The following LYG2 variants were observed in gnomAD, a reference collection of about 807,000 sequenced individuals.
LYG2 encodes lysozyme g-like protein 2.
LYG2 carries 25 observed loss-of-function variants against 22.4 expected under a neutral mutation model. The ratio of observed to expected loss-of-function variants is 1.12; its 90% confidence interval spans 0.81 to 1.56. The LOEUF (loss-of-function observed/expected upper bound fraction) is 1.56, where lower values mean the gene tolerates loss of function less well. Ranked by LOEUF, LYG2 falls within the 40% of genes most tolerant of loss-of-function variation. LYG2 has a pLI of 0.00. For missense variants in LYG2, 266 were observed against 269.5 expected (o/e 0.99, Z 0.09); for synonymous variants, 88 against 97.0 (o/e 0.91, Z 0.55).
intron 3 of LYG2, among the ~76,000 whole-genome samples, chr2:99,250,956 G>A (rs2094025443): frequency 6.6e-6 from 1 of 152,188 alleles, no homozygotes; most frequent in African/African-American, 2.4e-5. Context: ...ATTCTCTCCA[G>A]GGACAAAATA....
chr2:99,244,229 G>A (rs2094011885), intron 5 of LYG2, 92 bp from the exon 6 acceptor site: 3 of 1,272,914 alleles, frequency 2.4e-6, no homozygotes, highest in South Asian at 1.5e-5. Context: ...TCAAGTCATA[G>A]ATACCGGCCT....
chr2:99,245,261 C>G lies in LYG2; in HGVS notation c.381+1G>C, dbSNP rs199912834. Reference sequence around the variant, plus strand: ...CTGATAGAAAGTTTCTAGCTAAATACCTGCATCAAGCCAAATTTAAGTCCC... The same window carrying G: ...CTGATAGAAAGTTTCTAGCTAAATAGCTGCATCAAGCCAAATTTAAGTCCC... On this transcript the variant is annotated splice_donor_variant, in intron 5 of 6. Transcript: ENST00000333017. LOFTEE classifies it high-confidence loss of function. 6.9e-6 allele frequency: 11 copies of G among 1,596,600 alleles called. No individual in the cohort carries two copies. In the East Asian group the frequency reaches 2.5e-4, roughly 36 times the overall value.
Position 99,242,292 on chromosome 2 carries a change from C to A in LYG2, c.*72G>T, listed in dbSNP as rs764598906. 3 of 752,256 alleles carry A rather than the reference C, an allele frequency of 4.0e-6. No individual in the cohort carries two copies. Among genetic ancestry groups the A allele is most frequent in the Non-Finnish European group, 6.8e-6 (3 of 443,326 alleles). 46.6% of individuals were successfully genotyped at this position (752,256 alleles called of 1,614,324 possible). On this transcript the variant is annotated 3_prime_UTR_variant, in exon 7 of 7. Coordinates refer to ENST00000333017, the MANE Select transcript of LYG2 (RefSeq NM_175735.4). ...ATTTCTTTGCCAGTGTTGTATACAA[C>A]ACATTCACGTAAAACTCTCAAAGGC...
chr2:99,253,626 G>A lies in LYG2; in HGVS notation c.43+592C>T, dbSNP rs140916479. Among the ~76,000 whole-genome samples, 17 of 151,196 alleles carry A rather than the reference G, an allele frequency of 1.1e-4. No homozygotes were observed. In the East Asian group the frequency reaches 1.2e-3, roughly 10 times the overall value. On this transcript the variant is annotated intron_variant, in intron 3 of 6. Transcript: ENST00000333017. ...CAGCCTTCCCCCCAGAAACCCCCTC[G>A]TCTGTCCAGACCACACTGACCCAAA...
chr2:99,259,894 C>A (rs1360312984), upstream of LYG2, among the ~76,000 whole-genome samples: 1 of 152,048 alleles, frequency 6.6e-6, no homozygotes, highest in African/African-American at 2.4e-5. Flanking sequence ...AGAACTGACC[C>A]ATCACCATAA....
upstream of LYG2, among the ~76,000 whole-genome samples, chr2:99,258,757 A>G (rs1409055435): frequency 6.6e-6 from 1 of 152,240 alleles, no homozygotes; most frequent in Non-Finnish European, 1.5e-5. Flanking sequence ...ACCCCAGGAT[A>G]TATCAATGTC....
upstream of LYG2, among the ~76,000 whole-genome samples, chr2:99,258,106 T>C (rs938810498): frequency 2.6e-5 from 4 of 152,174 alleles, no homozygotes; most frequent in Admixed American, 6.5e-5. Flanking sequence ...TCTGTGCTAA[T>C]AGAGACTGGG....
chr2:99,261,098 A>C, the LYG2 span, among the ~76,000 whole-genome samples: 1 of 152,182 alleles, frequency 6.6e-6, no homozygotes, highest in Non-Finnish European at 1.5e-5. Context: ...GGGGTCTGAC[A>C]CGGCAACCTA....
At chr2:99,256,603 A>G (rs747986142), upstream of LYG2, among the ~76,000 whole-genome samples, 14 of 152,224 alleles carry the variant, frequency 9.2e-5, no homozygotes, top group Non-Finnish European at 1.5e-4. Flanking sequence ...TAAGTTAGGT[A>G]AAAGAGAGTA....
chr2:99,256,816 C>T (rs932570991), upstream of LYG2, among the ~76,000 whole-genome samples: 2 of 152,206 alleles, frequency 1.3e-5, no homozygotes, highest in African/African-American at 2.4e-5. Context: ...TTGTTCTGTT[C>T]ACTCAAGCTG....
At chr2:99,258,358 T>C (rs2094040311), upstream of LYG2, among the ~76,000 whole-genome samples, 1 of 152,252 alleles carries the variant, frequency 6.6e-6, no homozygotes, top group South Asian at 2.1e-4. Flanking sequence ...ACTATCATGA[T>C]GGGTTTGCAC....
Position 99,245,394 on chromosome 2 carries a change from C to T in LYG2, c.249G>A (p.Leu83=), listed in dbSNP as rs1451816409. The T allele has an allele frequency of 6.2e-7, 1 of 1,613,070 alleles. No homozygotes were observed. The highest frequency in any genetic ancestry group is 8.5e-7 in the Non-Finnish European group (1 of 1,179,504). ...DLRAIKPYQT[L]IKEVGQRHCV... ...AATGTCTCTGCCCGACTTCTTTGAT[C>T]AGAGTCTGGTAAGGTTTTATGGCCC... Residue 83 remains leucine (L), a synonymous_variant, in exon 5 of 7, where the codon CTG becomes CTA. Transcript: ENST00000333017.
upstream of LYG2, among the ~76,000 whole-genome samples, chr2:99,258,952 T>A (rs896378808): frequency 6.6e-6 from 1 of 152,058 alleles, no homozygotes; most frequent in Non-Finnish European, 1.5e-5. Flanking sequence ...TCATGAAAAA[T>A]TGGTAAACAT....
chr2:99,251,898 C>CACGATCTCGGCTCACTG lies in LYG2; in HGVS notation c.43+2319_43+2320insCAGTGAGCCGAGATCGT, dbSNP rs559117889. Among the ~76,000 whole-genome samples, 106 of 123,360 alleles carry CACGATCTCGGCTCACTG rather than the reference C, an allele frequency of 8.6e-4. 1 individual carries two copies. Among genetic ancestry groups the CACGATCTCGGCTCACTG allele is most frequent in the Middle Eastern group, 0.011 (2 of 184 alleles). The allele number at this position is 123,360 out of a possible 152,430, so 80.9% of individuals were successfully genotyped here. On this transcript the variant is annotated intron_variant, in intron 3 of 6. Transcript: ENST00000333017. The stretch of plus-strand genomic sequence containing the variant: ...TGTCGCCCAGGCTGGAGTGCAGTGG[C>CACGATCTCGGCTCACTG]CATTCTCCTGCCTCAGCCTCCCAAG...
chr2:99,246,617 C>G (rs1257977288), intron 4 of LYG2, 63 bp downstream of exon 4: 1 of 1,567,950 alleles, frequency 6.4e-7, no homozygotes, highest in African/African-American at 1.4e-5. Context: ...AAGTGACTTC[C>G]TAAGAAAGAA....
intron 3 of LYG2, among the ~76,000 whole-genome samples, chr2:99,251,818 T>C (rs1041965259): frequency 3.9e-5 from 6 of 151,944 alleles, no homozygotes; most frequent in Non-Finnish European, 8.8e-5. Context: ...CTGGTCCTTA[T>C]ATGTTAGAGA....
chr2:99,251,814 C>T (rs1203791900), intron 3 of LYG2, among the ~76,000 whole-genome samples: 1 of 151,800 alleles, frequency 6.6e-6, no homozygotes, highest in Non-Finnish European at 1.5e-5. Flanking sequence ...AGAGCTGGTC[C>T]TTATATGTTA....
intron 1 of LYG2, 127 bp from the exon 2 acceptor site, chr2:99,255,264 T>G (rs916889038): frequency 1.1e-4 from 17 of 152,346 alleles, no homozygotes; most frequent in Admixed American, 7.2e-4. Context: ...TCACCTGGCT[T>G]TTCTTACCTT....
rs916224882 is a variant in LYG2, at chr2:99,244,032, A to T, written c.487T>A (p.Phe163Ile). 3.1e-6 allele frequency: 5 copies of T among 1,613,840 alleles called. No individual in the cohort carries two copies. In the Admixed American group the frequency reaches 8.3e-5, roughly 27 times the overall value. ...TGCTGAGCAACACTCCACGTGGGGA[A>T]TTTTTTCTGGATTGCCTTAATTCTC... ...TERIKAIQKK[F>I]PTWSVAQHLK... The change falls in exon 6 of 7, where the codon TTC (phenylalanine) becomes ATC (isoleucine). Residue 163 changes from phenylalanine to isoleucine, a missense_variant. Physicochemically the swap from Phe to Ile is conservative, Grantham distance 21 (BLOSUM62 0). Transcript: ENST00000333017.
Sources: allele counts gnomAD v4.1 joint callset (sites outside exome capture counted in the v4.1 genomes callset), GRCh38; gene constraint gnomAD v4.1.1; transcripts MANE v1.5; gene names NCBI Gene and HGNC (gene_info 2026-07-23, HGNC 2026-07-21).